Variants in NRG3 observed in about 807,000 individuals in gnomAD.
NRG3 encodes the protein pro-neuregulin-3, membrane-bound isoform.
In NRG3, 31 loss-of-function variants were observed where a neutral mutation model predicts 66.9. The observed-to-expected ratio is 0.46, with a 90% confidence interval of 0.35 to 0.63. The LOEUF (loss-of-function observed/expected upper bound fraction) is 0.63, where lower values mean the gene tolerates loss of function less well. Among genes scored for constraint, NRG3 ranks in the 20% least tolerant of loss-of-function variants. The pLI is 0.00. For synonymous variants in NRG3, 393 were observed against 359.4 expected (o/e 1.09, Z -1.06); for missense variants, 910 against 878.9 (o/e 1.04, Z -0.45).
rs567889521 is a variant in NRG3 at position 82,937,713 on chromosome 10, T to C, written c.1055-13756T>C. Among the ~76,000 whole-genome samples, 7 of 152,316 alleles carry C rather than the reference T, an allele frequency of 4.6e-5. No individual in the cohort carries two copies. In the East Asian group the frequency reaches 1.4e-3, roughly 29 times the overall value. On this transcript the variant is annotated intron_variant, in intron 4 of 8. Coordinates refer to ENST00000372141, the MANE Select transcript of NRG3 (RefSeq NM_001010848.4). ...CTGGTTATAGTAACTCGGCATTCAT[T>C]TGAACACAGTTTGAACAGTTGACTG...
At chr10:82,973,664 G>C (rs1193382726) in intron 6 of NRG3, 124 bp from the exon 7 acceptor site, 3 of 986,558 alleles carry the variant, frequency 3.0e-6, no homozygotes, top group Non-Finnish European at 4.7e-6. Context: ...CTTATCTCCT[G>C]CTCCTCTAGT....
Position 82,595,783 on chromosome 10 carries a change from C to CA in NRG3, c.954-142781dup, listed in dbSNP as rs74616149. ...CTGGTGACAGAGTGAGACTGTGTCT[C>CA]AAAAAAAAAAAAATAGATTGGAACT... On this transcript the variant is annotated intron_variant, in intron 2 of 8. Coordinates refer to ENST00000372141, the MANE Select transcript of NRG3 (RefSeq NM_001010848.4). 4.5e-3 allele frequency among the ~76,000 whole-genome samples: 614 copies of CA among 136,246 alleles called. 2 individuals are homozygous for CA. Among genetic ancestry groups the CA allele is most frequent in the African/African-American group, 0.012 (426 of 36,864 alleles). The allele number at this position is 136,246 out of a possible 152,430, so 89.4% of individuals were successfully genotyped here.
chr10:82,802,111 G>A (rs967169953), intron 3 of NRG3, among the ~76,000 whole-genome samples: 3 of 152,186 alleles, frequency 2.0e-5, no homozygotes, highest in East Asian at 1.9e-4. Flanking sequence ...CTAGAGGTGC[G>A]TAGTATGAGT....
chr10:82,254,297 A>G (rs6584594), intron 1 of NRG3, among the ~76,000 whole-genome samples: 35,890 of 152,084 alleles, frequency 0.24, 5,099 homozygotes, highest in African/African-American at 0.41. Context: ...TTTAACGTAA[A>G]CTAGATTTGA....
At chr10:82,204,375 G>T (rs924806453) in intron 1 of NRG3, among the ~76,000 whole-genome samples, 12 of 152,160 alleles carry the variant, frequency 7.9e-5, no homozygotes, top group African/African-American at 2.7e-4. Context: ...CCTGGAGGCT[G>T]CCCTGATTAG....
At chr10:82,863,546 C>CTTTTAA (rs1354748332) in intron 3 of NRG3, among the ~76,000 whole-genome samples, 1 of 152,172 alleles carries the variant, frequency 6.6e-6, no homozygotes, top group African/African-American at 2.4e-5. Context: ...TTAATGATCG[C>CTTTTAA]CATCCTAACT....
intron 1 of NRG3, among the ~76,000 whole-genome samples, chr10:82,258,189 T>A (rs2077834881): frequency 6.6e-6 from 1 of 152,210 alleles, no homozygotes; most frequent in South Asian, 2.1e-4. Context: ...TCCAACCTAG[T>A]TTATTGACAT....
chr10:82,576,865 A>G (rs1246884899), intron 2 of NRG3, among the ~76,000 whole-genome samples: 4 of 151,696 alleles, frequency 2.6e-5, no homozygotes, highest in Admixed American at 2.6e-4. Flanking sequence ...CTGATGGCTT[A>G]TTTTTGCAGA....
At chr10:82,480,919 G>A (rs1264190958) in intron 2 of NRG3, among the ~76,000 whole-genome samples, 2 of 152,184 alleles carry the variant, frequency 1.3e-5, no homozygotes, top group East Asian at 1.9e-4. Context: ...TACCAGTGTT[G>A]GAGGACGATT....
chr10:81,954,029 A>G (rs1306873298), intron 1 of NRG3, among the ~76,000 whole-genome samples: 1 of 152,196 alleles, frequency 6.6e-6, no homozygotes, highest in African/African-American at 2.4e-5. Context: ...TTCTAAATCA[A>G]TATATTTGCT....
chr10:82,720,818 T>C (rs1331387529), intron 2 of NRG3, among the ~76,000 whole-genome samples: 2 of 28,990 alleles, frequency 6.9e-5, no homozygotes, highest in Admixed American at 4.5e-4. Flanking sequence ...TACATATATA[T>C]ATATATATAT....
intron 1 of NRG3, among the ~76,000 whole-genome samples, chr10:82,219,748 T>C (rs575508348): frequency 6.6e-6 from 1 of 152,282 alleles, no homozygotes; most frequent in African/African-American, 2.4e-5. Context: ...AGATTCTCAA[T>C]AGTCTTATTA....
In NRG3 at chr10:82,823,242, T is replaced by C. The variant is rs201174318; in HGVS notation, c.1028-42169T>C. On this transcript the variant is annotated intron_variant, in intron 3 of 8. Coordinates refer to ENST00000372141, the MANE Select transcript of NRG3 (RefSeq NM_001010848.4). ...CTCTAGTACCTGCAGGACTAGTAGG[T>C]GTGGGGATGTAAGAGCACTGAAATG... Among the ~76,000 whole-genome samples, 10 of 152,168 alleles carry C rather than the reference T, an allele frequency of 6.6e-5. No homozygotes were observed. The East Asian group carries it at 1.9e-3, about 29-fold the overall frequency.
intron 2 of NRG3, among the ~76,000 whole-genome samples, chr10:82,487,096 CTATT>C (rs1185092777): frequency 6.8e-6 from 1 of 147,638 alleles, no homozygotes; most frequent in African/African-American, 2.5e-5. Flanking sequence ...CTATATATAT[CTATT>C]ATATAGATAT....
chr10:81,878,788 T>G (rs1283964196), intron 1 of NRG3, among the ~76,000 whole-genome samples: 3 of 152,168 alleles, frequency 2.0e-5, no homozygotes, highest in Admixed American at 6.5e-5. Context: ...CACAAATTCT[T>G]TAATGGCCAG....
chr10:81,918,974 A>AACACACAC (rs542060517), intron 1 of NRG3, among the ~76,000 whole-genome samples: 12,738 of 150,080 alleles, frequency 0.085, 605 homozygotes, highest in South Asian at 0.18. Flanking sequence ...ATCATAACAA[A>AACACACAC]ACACACACAC....
intron 2 of NRG3, among the ~76,000 whole-genome samples, chr10:82,524,200 C>T (rs1043760205): frequency 3.3e-5 from 5 of 151,946 alleles, no homozygotes; most frequent in Non-Finnish European, 7.4e-5. Context: ...TAGTAACCCA[C>T]GAGCCATCTA....
chr10:82,472,735 T>G (rs79034442), intron 2 of NRG3, among the ~76,000 whole-genome samples: 3,708 of 152,306 alleles, frequency 0.024, 145 homozygotes, highest in African/African-American at 0.082. Context: ...ATAACAGGAA[T>G]TAATTAGTGT....
chr10:82,368,701 T>C (rs2084695121), intron 2 of NRG3, among the ~76,000 whole-genome samples: 1 of 138,332 alleles, frequency 7.2e-6, no homozygotes, highest in Non-Finnish European at 1.5e-5. Flanking sequence ...TTATGCAATA[T>C]TTTGTATCCC....
Sources: allele counts gnomAD v4.1 joint callset (sites outside exome capture counted in the v4.1 genomes callset), GRCh38; gene constraint gnomAD v4.1.1; transcripts MANE v1.5; gene names NCBI Gene and HGNC (gene_info 2026-07-23, HGNC 2026-07-21).